RORA: variants seen among roughly 807,000 people sequenced by gnomAD.
RORA encodes nuclear receptor ROR-alpha.
In RORA, 7 loss-of-function variants were observed where a neutral mutation model predicts 69.5. That is an observed-to-expected ratio of 0.10 (90% CI 0.06 to 0.19). RORA has a LOEUF of 0.19. Among genes scored for constraint, RORA ranks in the 10% least tolerant of loss-of-function variants. The probability of loss-of-function intolerance (pLI) is 1.00; values close to 1 mark genes in which losing one functional copy is unlikely to be tolerated. For synonymous variants in RORA, 261 were observed against 240.8 expected, an observed-to-expected ratio of 1.08 and a Z score of -0.78; for missense variants, 457 against 663.0, an observed-to-expected ratio of 0.69 and a Z score of 3.41.
At chr15:60,723,366 A>G (rs1161131611) in intron 1 of RORA, among the ~76,000 whole-genome samples, 1 of 148,980 alleles carries the variant, frequency 6.7e-6, no homozygotes, top group Non-Finnish European at 1.5e-5. Flanking sequence ...ATGTGATCCT[A>G]TCAAAACCAT....
intron 1 of RORA, among the ~76,000 whole-genome samples, chr15:61,216,794 C>G (rs960093631): frequency 1.3e-5 from 2 of 152,148 alleles, no homozygotes; most frequent in Non-Finnish European, 2.9e-5. Flanking sequence ...GGATCCAGCC[C>G]ATGGTAGCTG....
intron 2 of RORA, among the ~76,000 whole-genome samples, chr15:60,554,405 A>G (rs921826830): frequency 4.0e-5 from 6 of 151,296 alleles, no homozygotes; most frequent in African/African-American, 1.5e-4. Flanking sequence ...TTTTGGCACT[A>G]AAAAAAAATC....
At chr15:61,053,651 AGCCT>A (rs2078045546) in intron 1 of RORA, among the ~76,000 whole-genome samples, 1 of 151,784 alleles carries the variant, frequency 6.6e-6, no homozygotes, top group Non-Finnish European at 1.5e-5. Context: ...CCAGCAACAA[AGCCT>A]GGGTATGCGG....
intron 1 of RORA, among the ~76,000 whole-genome samples, chr15:60,980,487 C>T (rs2140359865): frequency 6.6e-6 from 1 of 152,178 alleles, no homozygotes. Flanking sequence ...TGGTAGAATC[C>T]ATTGATGGAG....
intron 1 of RORA, among the ~76,000 whole-genome samples, chr15:60,934,516 T>C (rs1415435908): frequency 6.6e-6 from 1 of 152,142 alleles, no homozygotes; most frequent in East Asian, 1.9e-4. Flanking sequence ...TTTGTTTTTT[T>C]CTGATATGAG....
At chr15:61,071,228 G>A (rs1255059997) in intron 1 of RORA, among the ~76,000 whole-genome samples, 9 of 30,898 alleles carry the variant, frequency 2.9e-4, no homozygotes, top group Admixed American at 1.3e-3. Context: ...GAGGGGAAGG[G>A]AAGGGAGGGG....
chr15:60,508,152 G>C (rs2065574342), intron 5 of RORA, among the ~76,000 whole-genome samples: 1 of 152,168 alleles, frequency 6.6e-6, no homozygotes, highest in Non-Finnish European at 1.5e-5. Flanking sequence ...ATTTAAGCGT[G>C]GTCTCTCAGA....
chr15:61,034,788 C>A (rs1235775163), intron 1 of RORA, among the ~76,000 whole-genome samples: 4 of 82,950 alleles, frequency 4.8e-5, no homozygotes, highest in Admixed American at 1.3e-4. Flanking sequence ...CATCACAGAC[C>A]AAAAAAAAAA....
intron 1 of RORA, among the ~76,000 whole-genome samples, chr15:61,067,582 T>C (rs1344496446): frequency 6.6e-6 from 1 of 152,198 alleles, no homozygotes; most frequent in Non-Finnish European, 1.5e-5. Flanking sequence ...AATTTTAAGA[T>C]TGTTATTTCT....
intron 1 of RORA, among the ~76,000 whole-genome samples, chr15:60,741,242 G>C (rs1344220843): frequency 2.0e-5 from 3 of 152,206 alleles, no homozygotes; most frequent in African/African-American, 7.2e-5. Context: ...GTGCACAGAG[G>C]ACAGTGTCCT....
chr15:60,685,403 C>T (rs2070727753), intron 1 of RORA, among the ~76,000 whole-genome samples: 1 of 152,224 alleles, frequency 6.6e-6, no homozygotes, highest in Non-Finnish European at 1.5e-5. Flanking sequence ...AGAATTTAGG[C>T]TTCTTTTTTG....
At chr15:60,931,519 A>C (rs1482050) in intron 1 of RORA, among the ~76,000 whole-genome samples, 44,398 of 152,104 alleles carry the variant, frequency 0.29, 7,556 homozygotes, top group East Asian at 0.55. Flanking sequence ...ACATTTGATT[A>C]CTCCTTTCTT....
intron 1 of RORA, among the ~76,000 whole-genome samples, chr15:60,720,776 T>C (rs2140823746): frequency 6.6e-6 from 1 of 152,332 alleles, no homozygotes; most frequent in East Asian, 1.9e-4. Context: ...CAACACTCTC[T>C]ATTGCCCGTA....
intron 1 of RORA, among the ~76,000 whole-genome samples, chr15:60,866,855 C>CTATCTATCTAT (rs55912042): frequency 0.057 from 5,132 of 90,434 alleles, 104 homozygotes; most frequent in East Asian, 0.078. Context: ...TATCTATCTA[C>CTATCTATCTAT]CTACCTACCT....
intron 1 of RORA, among the ~76,000 whole-genome samples, chr15:60,798,307 T>A (rs2072527561): frequency 6.6e-6 from 1 of 151,760 alleles, no homozygotes; most frequent in African/African-American, 2.4e-5. Context: ...ATGGAATATT[T>A]TACCTATGAA....
chr15:60,502,928 C>G (rs1046429867), intron 7 of RORA, 61 bp from the exon 8 acceptor site: 3 of 1,085,406 alleles, frequency 2.8e-6, no homozygotes, highest in African/African-American at 1.5e-5. Context: ...GAGTTTGTTT[C>G]TAAGCTGCTC....
At chr15:60,790,584 A>G (rs530027183) in intron 1 of RORA, among the ~76,000 whole-genome samples, 4 of 152,352 alleles carry the variant, frequency 2.6e-5, no homozygotes, top group Admixed American at 2.6e-4. Flanking sequence ...GTGCCTAGGC[A>G]AGCCACCAGT....
chr15:61,108,677 T>C (rs1366458162), intron 1 of RORA, among the ~76,000 whole-genome samples: 3 of 152,196 alleles, frequency 2.0e-5, no homozygotes, highest in East Asian at 3.9e-4. Flanking sequence ...TACTCTAAGG[T>C]TTGAGGAAAA....
At chr15:60,578,159 C>G (rs941673165) in intron 2 of RORA, among the ~76,000 whole-genome samples, 1 of 152,146 alleles carries the variant, frequency 6.6e-6, no homozygotes, top group Non-Finnish European at 1.5e-5. Flanking sequence ...TAAAATACAC[C>G]GGTATATTTT....
Sources: allele counts gnomAD v4.1 joint callset (sites outside exome capture counted in the v4.1 genomes callset), GRCh38; gene constraint gnomAD v4.1.1; transcripts MANE v1.5; gene names NCBI Gene and HGNC (gene_info 2026-07-23, HGNC 2026-07-21).